PRKAR2A: variants seen among roughly 807,000 people sequenced by gnomAD.
PRKAR2A encodes the protein protein kinase cAMP-dependent type II regulatory subunit alpha.
In PRKAR2A, 29 loss-of-function variants were observed where a neutral mutation model predicts 51.9. The observed-to-expected ratio is 0.56, with a 90% CI of 0.42 to 0.76. The LOEUF is 0.76. PRKAR2A is among the 30% of genes least tolerant of loss of function. PRKAR2A has a pLI of 0.00. For missense variants in PRKAR2A, 445 were observed against 512.1 expected (o/e 0.87, Z 1.26); for synonymous variants, 178 against 186.2 (o/e 0.96, Z 0.36).
At chr3:48,841,884 T>C (rs2083386732) in intron 1 of PRKAR2A, among the ~76,000 whole-genome samples, 1 of 152,166 alleles carries the variant, frequency 6.6e-6, no homozygotes. Context: ...AATACTTAAA[T>C]ACCAATAAAA....
chr3:48,828,708 CAAAAAA>C (rs547132768), intron 1 of PRKAR2A, among the ~76,000 whole-genome samples: 6 of 83,500 alleles, frequency 7.2e-5, no homozygotes, highest in Admixed American at 1.6e-4. Flanking sequence ...CCCCTGTCTC[CAAAAAA>C]AAAAAAAAAA....
chr3:48,839,880 T>C (rs1457630258), intron 1 of PRKAR2A, among the ~76,000 whole-genome samples: 2 of 152,208 alleles, frequency 1.3e-5, no homozygotes, highest in African/African-American at 4.8e-5. Context: ...AAGATGTACA[T>C]AAAATGTGCC....
At position 48,747,204 on chromosome 3, in the gene PRKAR2A, A is replaced by G. The variant is rs1041127440; in HGVS notation, c.*4381T>C. 1 of 152,200 alleles carries G rather than the reference A, an allele frequency of 6.6e-6. No homozygotes were observed. Among genetic ancestry groups the G allele is most frequent in the African/African-American group, 2.4e-5 (1 of 41,458 alleles). 9.4% of individuals were successfully genotyped at this position (152,200 alleles called of 1,614,324 possible). On this transcript the variant is annotated 3_prime_UTR_variant, in exon 11 of 11. Coordinates refer to ENST00000265563, the MANE Select transcript of PRKAR2A (RefSeq NM_004157.4). ...CAAGAGGTCATTGTAGTGAAAAACCAAAACAACTTGTATCTTGGCAAGATT... is the reference window on the plus strand; with the variant it reads ...CAAGAGGTCATTGTAGTGAAAAACCGAAACAACTTGTATCTTGGCAAGATT...
chr3:48,830,264 G>A (rs1041946902), intron 1 of PRKAR2A, among the ~76,000 whole-genome samples: 1 of 151,868 alleles, frequency 6.6e-6, no homozygotes, highest in Non-Finnish European at 1.5e-5. Context: ...ACAGGGTCAG[G>A]ACCGCCTAGA....
rs1050877574 is a variant in PRKAR2A at position 48,800,579 on chromosome 3, G to A, written c.299-6530C>T. 2.0e-5 allele frequency among the ~76,000 whole-genome samples: 3 copies of A among 151,426 alleles called. 1 individual carries two copies. Among genetic ancestry groups the A allele is most frequent in the South Asian group, 4.2e-4 (2 of 4,806 alleles). On this transcript the variant is annotated intron_variant, in intron 2 of 10. Coordinates refer to ENST00000265563, the MANE Select transcript of PRKAR2A (RefSeq NM_004157.4). ...TAATTTGGGACTACATAAGAAAGCC[G>A]CATTTAAGGAATTCATGAACTCTTC...
chr3:48,759,321 G>C (rs1269970236), intron 8 of PRKAR2A, among the ~76,000 whole-genome samples: 1 of 151,870 alleles, frequency 6.6e-6, no homozygotes, highest in Non-Finnish European at 1.5e-5. Context: ...CTGTCATTTT[G>C]CAGGGTAGAA....
chr3:48,753,976 C>A (rs1412113657), intron 9 of PRKAR2A, among the ~76,000 whole-genome samples: 3 of 147,880 alleles, frequency 2.0e-5, no homozygotes, highest in African/African-American at 7.5e-5. Context: ...CAGCTCACTG[C>A]AAGCTCTGCC....
chr3:48,832,386 T>A (rs2083203883), intron 1 of PRKAR2A, among the ~76,000 whole-genome samples: 3 of 151,998 alleles, frequency 2.0e-5, no homozygotes, highest in Admixed American at 6.6e-5. Context: ...AAGCCATTTA[T>A]TTTCAGATCT....
chr3:48,802,132 C>T (rs1413034553), intron 2 of PRKAR2A, among the ~76,000 whole-genome samples: 1 of 152,152 alleles, frequency 6.6e-6, no homozygotes, highest in Non-Finnish European at 1.5e-5. Flanking sequence ...TAGTCTCAAA[C>T]TCCTGACCTC....
At chr3:48,746,353 T>TAA (rs34195938), downstream of PRKAR2A, among the ~76,000 whole-genome samples, 24 of 68,288 alleles carry the variant, frequency 3.5e-4, no homozygotes, top group East Asian at 1.4e-3. Flanking sequence ...ATCCTGTCAC[T>TAA]AAAAAAAAAA....
chr3:48,746,315 T>C (rs1343680771), downstream of PRKAR2A, among the ~76,000 whole-genome samples: 1 of 148,172 alleles, frequency 6.7e-6, no homozygotes, highest in African/African-American at 2.5e-5. Flanking sequence ...GCCTAGGAGT[T>C]TGAAACCAGC....
chr3:48,758,286 GA>G lies in PRKAR2A; in HGVS notation c.874-1843del, dbSNP rs577631786. ...AAAAAAAAAGAAAAAAAGAAAAAAG[GA>G]AAAAAAAATGGCCTGGTGCAGTGGC... On this transcript the variant is annotated intron_variant, in intron 8 of 10. Coordinates refer to ENST00000265563, the MANE Select transcript of PRKAR2A (RefSeq NM_004157.4). Among the ~76,000 whole-genome samples, 16 of 146,300 alleles carry G rather than the reference GA, an allele frequency of 1.1e-4. 1 individual carries two copies. In the East Asian group the frequency reaches 2.9e-3, roughly 26 times the overall value.
At chr3:48,819,076 C>T (rs2107396971) in intron 1 of PRKAR2A, among the ~76,000 whole-genome samples, 1 of 151,954 alleles carries the variant, frequency 6.6e-6, no homozygotes, top group Admixed American at 6.6e-5. Context: ...AATCTCTGCT[C>T]ACTGCAACCT....
intron 2 of PRKAR2A, among the ~76,000 whole-genome samples, chr3:48,796,525 C>G (rs960348017): frequency 1.3e-5 from 2 of 152,142 alleles, no homozygotes; most frequent in East Asian, 3.8e-4. Context: ...GACAGAGCTT[C>G]ACGCTGTCAC....
chr3:48,776,141 T>C (rs1007839624), intron 5 of PRKAR2A, among the ~76,000 whole-genome samples: 2 of 151,940 alleles, frequency 1.3e-5, no homozygotes, highest in Non-Finnish European at 2.9e-5. Flanking sequence ...AACGATACAA[T>C]TATTTATCTA....
chr3:48,797,159 T>A (rs764229895), intron 2 of PRKAR2A, among the ~76,000 whole-genome samples: 10 of 151,794 alleles, frequency 6.6e-5, no homozygotes, highest in East Asian at 1.9e-4. Context: ...TTTATTTATT[T>A]TTATTATTAT....
intron 3 of PRKAR2A, among the ~76,000 whole-genome samples, chr3:48,791,082 A>C (rs546655131): frequency 1.3e-5 from 2 of 151,462 alleles, no homozygotes; most frequent in African/African-American, 4.9e-5. Flanking sequence ...ATGTCAGGAG[A>C]TCGAGACCAT....
chr3:48,828,387 T>C (rs961580526), intron 1 of PRKAR2A, among the ~76,000 whole-genome samples: 10 of 151,954 alleles, frequency 6.6e-5, no homozygotes, highest in Admixed American at 1.3e-4. Flanking sequence ...GTAATAACAT[T>C]TACCTTAATA....
chr3:48,847,352 T>C lies in PRKAR2A; in HGVS notation c.245A>G (p.Glu82Gly), dbSNP rs771382760. 7 of 1,613,478 alleles carry C rather than the reference T, an allele frequency of 4.3e-6. No homozygotes were observed. In the South Asian group the frequency reaches 7.7e-5, roughly 18 times the overall value. ...CAGCCTACCTTCCAAGTCCTCGTCC[T>C]CCTCCGACTCGCTGTCCCCTTTGGC... Reference protein sequence around the residue: ...ADAKGDSESEEDEDLEVPVPS... With the variant: ...ADAKGDSESEGDEDLEVPVPS... The change falls in exon 1 of 11, where the codon GAG becomes GGG. Residue 82 changes from glutamate (E) to glycine (G), a missense_variant. Glu to Gly is a moderately conservative substitution (Grantham distance 98, BLOSUM62 -2). Coordinates refer to ENST00000265563, the MANE Select transcript of PRKAR2A (RefSeq NM_004157.4). The surrounding 1 kb of genome is among the most constrained non-coding windows in gnomAD (Gnocchi z 4.4).
Sources: allele counts gnomAD v4.1 joint callset (sites outside exome capture counted in the v4.1 genomes callset), GRCh38; gene constraint gnomAD v4.1.1; non-coding constraint Gnocchi (gnomAD v3.1); transcripts MANE v1.5; gene names NCBI Gene and HGNC (gene_info 2026-07-23, HGNC 2026-07-21).